The following TMEM63C variants were observed in gnomAD, a reference collection of about 807,000 sequenced individuals.
TMEM63C encodes the protein transmembrane protein 63C.
TMEM63C carries 32 observed loss-of-function variants against 99.2 expected under a neutral mutation model. The observed-to-expected ratio is 0.32, with a 90% CI of 0.24 to 0.43. The LOEUF (loss-of-function observed/expected upper bound fraction) is 0.43. Ranked by LOEUF, TMEM63C falls within the 20% of genes least tolerant of loss-of-function variation. The pLI, the probability that TMEM63C is intolerant of heterozygous loss-of-function variation, is 1.00. For synonymous variants in TMEM63C, 376 were observed against 397.9 expected, an observed-to-expected ratio of 0.94 and a Z score of 0.66; for missense variants, 826 against 1,053.0, an observed-to-expected ratio of 0.78 and a Z score of 2.98.
chr14:77,250,430 C>CT (rs796757847), intron 21 of TMEM63C, among the ~76,000 whole-genome samples: 20,522 of 140,810 alleles, frequency 0.15, 1,907 homozygotes, highest in African/African-American at 0.27. Flanking sequence ...TGTTTTCTTT[C>CT]TTTTTTTTTT....
intron 2 of TMEM63C, among the ~76,000 whole-genome samples, chr14:77,214,981 C>T (rs1888555350): frequency 6.6e-6 from 1 of 152,158 alleles, no homozygotes; most frequent in African/African-American, 2.4e-5. Flanking sequence ...CAAATCATTA[C>T]AATTATTCAC....
At chr14:77,214,357 A>G (rs1177798359) in intron 2 of TMEM63C, among the ~76,000 whole-genome samples, 1 of 151,958 alleles carries the variant, frequency 6.6e-6, no homozygotes, top group East Asian at 1.9e-4. Flanking sequence ...TGGAGCTGAG[A>G]TTCAGTGGCA....
At chr14:77,236,223 G>A (rs1277264087) in intron 8 of TMEM63C, among the ~76,000 whole-genome samples, 1 of 19,024 alleles carries the variant, frequency 5.3e-5, no homozygotes, top group Admixed American at 4.4e-4. Context: ...GGGAGACTGT[G>A]ATGGGTGGGG....
At chr14:77,246,527 T>C (rs979730268) in intron 17 of TMEM63C, 82 bp from the exon 18 acceptor site, 85 of 1,209,344 alleles carry the variant, frequency 7.0e-5, no homozygotes, top group African/African-American at 1.1e-4. Context: ...TCTTTGGAGA[T>C]TGGGCAAGGG....
chr14:77,206,022 C>T (rs1379566404), intron 1 of TMEM63C, among the ~76,000 whole-genome samples: 3 of 152,180 alleles, frequency 2.0e-5, no homozygotes, highest in Admixed American at 2.0e-4. Flanking sequence ...CATACTTTGT[C>T]ACCTGGAGGA....
intron 1 of TMEM63C, among the ~76,000 whole-genome samples, chr14:77,205,891 G>C (rs1566619010): frequency 1.3e-5 from 2 of 152,202 alleles, no homozygotes; most frequent in African/African-American, 2.4e-5. Context: ...GCTGCTAGCT[G>C]TATGACCCTG....
intron 1 of TMEM63C, among the ~76,000 whole-genome samples, chr14:77,205,767 G>A (rs1448327572): frequency 6.6e-6 from 1 of 152,178 alleles, no homozygotes; most frequent in Non-Finnish European, 1.5e-5. Flanking sequence ...GGCCTCCCCT[G>A]GTCCCAGCCT....
At chr14:77,184,187 C>G (rs1208747362) in intron 1 of TMEM63C, among the ~76,000 whole-genome samples, 1 of 152,072 alleles carries the variant, frequency 6.6e-6, no homozygotes. Context: ...ATGGTCATTT[C>G]TTCTTCAGAG....
At chr14:77,220,152 C>A in intron 5 of TMEM63C, 65 bp downstream of exon 5, 3 of 1,438,654 alleles carry the variant, frequency 2.1e-6, no homozygotes, top group Non-Finnish European at 2.9e-6. Flanking sequence ...GTGGTGTGCA[C>A]AGGAAGAAAC....
rs1318649543 is a variant in TMEM63C at position 77,218,867 on chromosome 14, A to T, written c.54A>T (p.Thr18=). Residue 18 remains threonine (T), a synonymous_variant, in exon 3 of 24, where the codon ACA becomes ACT. Transcript: ENST00000298351. The stretch of plus-strand genomic sequence containing the variant: ...CAGGGGGAAGGTTACAGAACATGAC[A>T]GTGGATGAATGCTTCCAGTCTCGGA... ...LSTGGRLQNM[T]VDECFQSRNT... is the part of the protein sequence containing the mutation. 4 of 1,613,694 alleles carry T rather than the reference A, an allele frequency of 2.5e-6. No individual in the cohort carries two copies. Among genetic ancestry groups the T allele is most frequent in the Non-Finnish European group, 3.4e-6 (4 of 1,179,766 alleles).
intron 4 of TMEM63C, 101 bp from the exon 5 acceptor site, chr14:77,219,905 G>A (rs1888659249): frequency 1.8e-6 from 2 of 1,142,046 alleles, no homozygotes; most frequent in Admixed American, 2.0e-5. Context: ...CCGTGGCAGA[G>A]CAGAGGGCAG....
chr14:77,189,162 T>G (rs1474673791), intron 1 of TMEM63C, among the ~76,000 whole-genome samples: 3 of 151,756 alleles, frequency 2.0e-5, no homozygotes, highest in Admixed American at 1.3e-4. Flanking sequence ...CAGGCTAGAG[T>G]GGAGTGGTGC....
intron 6 of TMEM63C, among the ~76,000 whole-genome samples, chr14:77,230,981 G>A (rs1391137681): frequency 1.3e-5 from 2 of 152,172 alleles, no homozygotes; most frequent in South Asian, 4.1e-4. Context: ...ACCTAGGAGT[G>A]AATTGCTGGG....
chr14:77,230,201 C>CAA (rs55863810), intron 6 of TMEM63C, among the ~76,000 whole-genome samples: 7,582 of 138,450 alleles, frequency 0.055, 248 homozygotes, highest in East Asian at 0.11. Flanking sequence ...GACTCTGTCT[C>CAA]AAAAAAAAAA....
chr14:77,220,802 C>T (rs1033700012), intron 5 of TMEM63C, among the ~76,000 whole-genome samples: 3 of 151,112 alleles, frequency 2.0e-5, no homozygotes, highest in African/African-American at 7.3e-5. Context: ...TCCCCACCCC[C>T]ACACACAGCT....
intron 8 of TMEM63C, among the ~76,000 whole-genome samples, chr14:77,234,408 C>T (rs1473401294): frequency 6.6e-6 from 1 of 152,210 alleles, no homozygotes; most frequent in African/African-American, 2.4e-5. Context: ...GCAGGGATAT[C>T]GGCTCCTTCC....
In TMEM63C at chr14:77,243,000, A is replaced by T. The variant is rs763385437; in HGVS notation, c.1285A>T (p.Ile429Phe). The stretch of plus-strand genomic sequence containing the variant: ...CTTCTTCTTTCTCACCACGCCTGCC[A>T]TCATCATGAACACTATCGACATGTA... The part of the protein sequence containing the change: ...FLFFFLTTPA[I>F]IMNTIDMYNV... Residue 429 changes from isoleucine to phenylalanine, a missense_variant, in exon 15 of 24, where the codon ATC (isoleucine) becomes TTC (phenylalanine). Physicochemically the swap from Ile to Phe is conservative, Grantham distance 21 (BLOSUM62 0). Coordinates refer to ENST00000298351, the MANE Select transcript of TMEM63C (RefSeq NM_020431.4). 6.2e-7 allele frequency: 1 copy of T among 1,613,942 alleles called. No individual in the cohort carries two copies. Among genetic ancestry groups the T allele is most frequent in the Non-Finnish European group, 8.5e-7 (1 of 1,179,886 alleles).
intron 1 of TMEM63C, among the ~76,000 whole-genome samples, chr14:77,189,354 G>A (rs1311582453): frequency 6.6e-6 from 1 of 151,794 alleles, no homozygotes; most frequent in African/African-American, 2.4e-5. Flanking sequence ...CTGGGCTCAA[G>A]TGATCCACCC....
intron 2 of TMEM63C, among the ~76,000 whole-genome samples, chr14:77,216,387 A>G (rs1447685338): frequency 6.6e-6 from 1 of 152,084 alleles, no homozygotes; most frequent in Non-Finnish European, 1.5e-5. Flanking sequence ...CTCTTCTGTA[A>G]TTCAGGGCTT....
Sources: allele counts gnomAD v4.1 joint callset (sites outside exome capture counted in the v4.1 genomes callset), GRCh38; gene constraint gnomAD v4.1.1; transcripts MANE v1.5; gene names NCBI Gene and HGNC (gene_info 2026-07-23, HGNC 2026-07-21).